The following PPARG variants were observed in gnomAD, a reference collection of about 807,000 sequenced individuals.
PPARG encodes the protein peroxisome proliferator activated receptor gamma.
Under a neutral mutation model 39.2 loss-of-function variants are expected in PPARG, and 17 were observed. The ratio of observed to expected loss-of-function variants is 0.43; its 90% CI spans 0.30 to 0.65. PPARG has a LOEUF of 0.65. Ranked by LOEUF, PPARG falls within the 30% of genes least tolerant of loss-of-function variation. The pLI is 0.13. For synonymous variants in PPARG, 223 were observed against 215.7 expected, an observed-to-expected ratio of 1.03 and a Z score of -0.30; for missense variants, 406 against 585.9, an observed-to-expected ratio of 0.69 and a Z score of 3.17.
In PPARG at chr3:12,391,474, G is replaced by A. The variant is rs138230770; in HGVS notation, c.391-1140G>A. On this transcript the variant is annotated intron_variant, in intron 4 of 7. Coordinates refer to ENST00000651735, the MANE Select transcript of PPARG (RefSeq NM_138711.6). ...AAGGCGATGAAGGAAATAGGCAAGT[G>A]TGTATTTAGAGAAAGCTTTCTTCTT... 8.0e-4 allele frequency among the ~76,000 whole-genome samples: 122 copies of A among 152,246 alleles called. No homozygotes were observed. The East Asian group carries it at 0.01, about 13-fold the overall frequency.
rs564776244 is a variant in PPARG, at chr3:12,314,771, A to G, written c.-9+2318A>G. Among the ~76,000 whole-genome samples the G allele has an allele frequency of 1.1e-4, 17 of 152,300 alleles. No homozygotes were observed. The South Asian group carries it at 3.3e-3, about 30-fold the overall frequency. On this transcript the variant is annotated intron_variant, in intron 2 of 7. Transcript: ENST00000651735. ...GTTAGTAGGAAAACTGGTGAAATCC[A>G]AATAGTTATAGTATTGTGCCATTCT...
intron 5 of PPARG, chr3:12,399,528 A>G (rs922390679): frequency 1.3e-5 from 5 of 379,274 alleles, no homozygotes; most frequent in Non-Finnish European, 2.1e-5. Flanking sequence ...TCAAGGCTGC[A>G]GTGAGCCAAG....
chr3:12,386,997 G>A (rs1009136278), intron 4 of PPARG, among the ~76,000 whole-genome samples: 1 of 151,568 alleles, frequency 6.6e-6, no homozygotes, highest in African/African-American at 2.4e-5. Context: ...GTGATAGTTT[G>A]CTTAGGATGA....
At position 12,416,989 on chromosome 3, in the gene PPARG, A is replaced by C; in HGVS notation, c.1015A>C (p.Ile339Leu). 1 of 1,614,068 alleles carries C rather than the reference A, an allele frequency of 6.2e-7. No homozygotes were observed. The highest frequency in any genetic ancestry group is 1.1e-5 in the South Asian group (1 of 91,080). ...CTTGATGAATAAAGATGGGGTTCTCATATCCGAGGGCCAAGGCTTCATGAC... is the reference window on the plus strand; with the variant it reads ...CTTGATGAATAAAGATGGGGTTCTCCTATCCGAGGGCCAAGGCTTCATGAC... ...ASLMNKDGVL[I>L]SEGQGFMTRE... Residue 339 changes from isoleucine (I) to leucine (L), a missense_variant, in exon 7 of 8, where the codon ATA (isoleucine) becomes CTA (leucine). Transcript: ENST00000651735.
At position 12,298,324 on chromosome 3, in the gene PPARG, A is replaced by AAAAAAAAAAAG. The variant is rs764771478; in HGVS notation, c.-83+9193_-83+9194insAAAAAAAGAAA. ...AAAAAAAAAAAAAAAAAAAAAAAAA[A>AAAAAAAAAAAG]AAAGAAATGTAAAATAGCAAGCGAG... On this transcript the variant is annotated intron_variant, in intron 1 of 7. Coordinates refer to ENST00000651735, the MANE Select transcript of PPARG (RefSeq NM_138711.6). Among the ~76,000 whole-genome samples, 260 of 134,652 alleles carry AAAAAAAAAAAG rather than the reference A, an allele frequency of 1.9e-3. 10 individuals carry two copies. Among genetic ancestry groups the AAAAAAAAAAAG allele is most frequent in the Non-Finnish European group, 2.7e-3 (167 of 61,272 alleles). The allele number at this position is 134,652 out of a possible 152,430, so 88.3% of individuals were successfully genotyped here.
At chr3:12,376,412 A>G (rs1050710630) in intron 2 of PPARG, among the ~76,000 whole-genome samples, 6 of 152,168 alleles carry the variant, frequency 3.9e-5, no homozygotes, top group African/African-American at 1.2e-4. Flanking sequence ...AAAATGATAA[A>G]TAAATAAAAG....
chr3:12,413,421 G>C (rs2050948114), intron 6 of PPARG, among the ~76,000 whole-genome samples: 1 of 152,124 alleles, frequency 6.6e-6, no homozygotes, highest in Admixed American at 6.5e-5. Context: ...GATATGACTA[G>C]GGAAAAAATA....
intron 2 of PPARG, among the ~76,000 whole-genome samples, chr3:12,349,293 A>C (rs1341131172): frequency 6.6e-6 from 1 of 152,268 alleles, no homozygotes. Flanking sequence ...AAACAGATAC[A>C]TAATAAGATA....
At chr3:12,373,989 C>T (rs921130531) in intron 2 of PPARG, among the ~76,000 whole-genome samples, 1 of 152,078 alleles carries the variant, frequency 6.6e-6, no homozygotes, top group Middle Eastern at 3.2e-3. Context: ...GCATGTTTAA[C>T]CTGGGCAGAT....
At chr3:12,379,168 C>G (rs984260845) in intron 2 of PPARG, among the ~76,000 whole-genome samples, 4 of 151,790 alleles carry the variant, frequency 2.6e-5, no homozygotes, top group Non-Finnish European at 5.9e-5. Context: ...CCACACCCGG[C>G]CAATTTTTGT....
chr3:12,355,847 G>A (rs954397644), intron 2 of PPARG, among the ~76,000 whole-genome samples: 1 of 152,138 alleles, frequency 6.6e-6, no homozygotes, highest in Non-Finnish European at 1.5e-5. Context: ...ATAAAAATTG[G>A]TTATTAAATG....
At chr3:12,380,460 C>T (rs2049602774) in intron 3 of PPARG, among the ~76,000 whole-genome samples, 1 of 152,124 alleles carries the variant, frequency 6.6e-6, no homozygotes, top group African/African-American at 2.4e-5. Context: ...TTAACTAAAT[C>T]AACATCAAAA....
At position 12,357,318 on chromosome 3, in the gene PPARG, G is replaced by A. The variant is rs530857396; in HGVS notation, c.-8-22386G>A. Among the ~76,000 whole-genome samples, 181 of 152,070 alleles carry A rather than the reference G, an allele frequency of 1.2e-3. 1 individual carries two copies. Among genetic ancestry groups the A allele is most frequent in the African/African-American group, 4.1e-3 (172 of 41,480 alleles). ...CCACCCACTCTGCTCCAAGCACGCCGGCCTCCTTGCTGTTCCTTCCACATT... is the reference window on the plus strand; with the variant it reads ...CCACCCACTCTGCTCCAAGCACGCCAGCCTCCTTGCTGTTCCTTCCACATT... On this transcript the variant is annotated intron_variant, in intron 2 of 7. Coordinates refer to ENST00000651735, the MANE Select transcript of PPARG (RefSeq NM_138711.6).
chr3:12,379,835 A>G lies in PPARG; in HGVS notation c.124A>G (p.Ser42Gly), dbSNP rs1391398513. The G allele has an allele frequency of 6.2e-7, 1 of 1,614,004 alleles. No individual in the cohort carries two copies. Among genetic ancestry groups the G allele is most frequent in the East Asian group, 2.2e-5 (1 of 44,872 alleles). The stretch of plus-strand genomic sequence containing the variant: ...GCCCTTCACTACTGTTGACTTCTCC[A>G]GCATTTCTACTCCACATTACGAAGA... ...IKPFTTVDFS[S>G]ISTPHYEDIP... Residue 42 changes from serine (S) to glycine (G), a missense_variant, in exon 3 of 8, where the codon AGC (serine) becomes GGC (glycine). Physicochemically the swap from Ser to Gly is moderately conservative, Grantham distance 56. Transcript: ENST00000651735.
intron 5 of PPARG, among the ~76,000 whole-genome samples, chr3:12,394,488 A>C (rs1353679219): frequency 6.6e-6 from 1 of 152,212 alleles, no homozygotes; most frequent in Non-Finnish European, 1.5e-5. Context: ...AAGCTATCAT[A>C]AACTTGATAG....
At chr3:12,292,549 G>A (rs1229608148) in intron 1 of PPARG, among the ~76,000 whole-genome samples, 1 of 152,158 alleles carries the variant, frequency 6.6e-6, no homozygotes, top group Admixed American at 6.5e-5. Context: ...GAAAGGTTCA[G>A]ATATCTCCTA....
chr3:12,312,252 G>T (rs559821396), intron 1 of PPARG, 128 bp from the exon 2 acceptor site: 1 of 152,338 alleles, frequency 6.6e-6, no homozygotes, highest in South Asian at 2.1e-4. Flanking sequence ...CAAACATTCA[G>T]AATGAAATCC....
rs201285674 is a variant in PPARG, at chr3:12,407,793, A to G, written c.729+1712A>G. Among the ~76,000 whole-genome samples the G allele has an allele frequency of 4.6e-5, 7 of 152,386 alleles. No homozygotes were observed. The East Asian group carries it at 1.3e-3, about 29-fold the overall frequency. ...TTAATAGAAAAAGGAAACTTATGGC[A>G]TAAAGCCATATGGTAATAAGGACAA... is the stretch of plus-strand genomic sequence containing the variant. On this transcript the variant is annotated intron_variant, in intron 6 of 7. Coordinates refer to ENST00000651735, the MANE Select transcript of PPARG (RefSeq NM_138711.6).
At chr3:12,288,980 T>C (rs1009307972), upstream of PPARG, 1 of 152,306 alleles carries the variant, frequency 6.6e-6, no homozygotes, top group Non-Finnish European at 1.5e-5. Context: ...TACGCCTCGG[T>C]GTTTAGGGAG....
Sources: gnomAD v4.1 joint callset for allele counts (sites outside exome capture counted in the v4.1 genomes callset) on GRCh38, gnomAD v4.1.1 for gene constraint, MANE v1.5 for transcripts, NCBI Gene and HGNC (gene_info 2026-07-23, HGNC 2026-07-21) for gene names.